IL1RAPL1: variants seen among roughly 807,000 people sequenced by gnomAD.
IL1RAPL1 encodes interleukin 1 receptor accessory protein like 1.
Under a neutral mutation model 48.4 loss-of-function variants are expected in IL1RAPL1, and 3 were observed. That is an observed-to-expected ratio of 0.06 (90% CI 0.03 to 0.16). The LOEUF (loss-of-function observed/expected upper bound fraction) is 0.16, where lower values mean the gene tolerates loss of function less well. Ranked by LOEUF, IL1RAPL1 falls within the 10% of genes least tolerant of loss-of-function variation. The pLI, the probability that IL1RAPL1 is intolerant of heterozygous loss-of-function variation, is 1.00. For missense variants in IL1RAPL1, 349 were observed against 530.6 expected, an observed-to-expected ratio of 0.66 and a Z score of 3.36; for synonymous variants, 185 against 187.7, an observed-to-expected ratio of 0.99 and a Z score of 0.12.
chrX:28,974,882 G>C (rs1360697299), intron 2 of IL1RAPL1, among the ~76,000 whole-genome samples: 1 of 112,123 alleles, frequency 8.9e-6, no homozygotes, highest in Admixed American at 9.4e-5. Flanking sequence ...TTTATATAGA[G>C]TGGAATATAA....
At position 29,741,724 on chromosome X, in the gene IL1RAPL1, C is replaced by T. The variant is rs1928202087; in HGVS notation, c.778+73220C>T. ...TCATCTCAGGTCAGGAGTTCTAGAC[C>T]ATCCTGGCCAACGTGGCGAAATCTC... On this transcript the variant is annotated intron_variant, in intron 6 of 10. Transcript: ENST00000378993. 2.8e-5 allele frequency among the ~76,000 whole-genome samples: 3 copies of T among 108,287 alleles called. No homozygotes were observed. In the South Asian group the frequency reaches 1.2e-3, roughly 45 times the overall value. The allele number at this position is 108,287 out of a possible 115,157, so 94.0% of individuals were successfully genotyped here.
chrX:29,092,474 T>A (rs1928111804), intron 2 of IL1RAPL1, among the ~76,000 whole-genome samples: 1 of 112,089 alleles, frequency 8.9e-6, no homozygotes, highest in African/African-American at 3.2e-5. Flanking sequence ...AACTGTGGTT[T>A]ATACACAATA....
chrX:29,620,290 T>C lies in IL1RAPL1; in HGVS notation c.704-48140T>C, dbSNP rs557110906. 8.4e-4 allele frequency among the ~76,000 whole-genome samples: 94 copies of C among 112,135 alleles called. No homozygotes were observed. The South Asian group carries it at 0.032, about 38-fold the overall frequency. On this transcript the variant is annotated intron_variant, in intron 5 of 10. Transcript: ENST00000378993. Reference sequence around the variant, plus strand: ...AAGAATGCGTCGTTCAGCAATTTCATTCTTGTGTGAACATCCTAGAGTGTA... The same window carrying C: ...AAGAATGCGTCGTTCAGCAATTTCACTCTTGTGTGAACATCCTAGAGTGTA...
chrX:29,323,764 T>A (rs1932824756), intron 3 of IL1RAPL1, among the ~76,000 whole-genome samples: 2 of 41,501 alleles, frequency 4.8e-5, no homozygotes, highest in Admixed American at 3.2e-4. Context: ...TATATATATA[T>A]ATATATATAT....
chrX:29,722,344 T>G (rs769028385), intron 6 of IL1RAPL1, among the ~76,000 whole-genome samples: 2 of 112,309 alleles, frequency 1.8e-5, no homozygotes, highest in South Asian at 7.3e-4. Context: ...ATAAATTCTG[T>G]CTTTGAATGT....
intron 6 of IL1RAPL1, among the ~76,000 whole-genome samples, chrX:29,803,369 GTA>G (rs1434759091): frequency 6.2e-4 from 52 of 83,815 alleles, no homozygotes; most frequent in Middle Eastern, 0.016. Context: ...ATACACATAT[GTA>G]TATATGTATA....
chrX:29,476,955 A>G (rs900144160), intron 5 of IL1RAPL1, among the ~76,000 whole-genome samples: 3 of 87,202 alleles, frequency 3.4e-5, no homozygotes, highest in East Asian at 3.9e-4. Flanking sequence ...ATCTCGGCTC[A>G]CTGCAAGCTC....
At chrX:28,915,246 C>G (rs1327733215) in intron 2 of IL1RAPL1, among the ~76,000 whole-genome samples, 1 of 111,492 alleles carries the variant, frequency 9.0e-6, no homozygotes, top group Non-Finnish European at 1.9e-5. Flanking sequence ...GCTCTGCAGC[C>G]CAGTTCCTAA....
chrX:28,593,235 C>T (rs1933922556), intron 1 of IL1RAPL1, among the ~76,000 whole-genome samples: 1 of 111,369 alleles, frequency 9.0e-6, no homozygotes, highest in Non-Finnish European at 1.9e-5. Flanking sequence ...GGTGCCCAAA[C>T]TCTAAAACTC....
intron 2 of IL1RAPL1, among the ~76,000 whole-genome samples, chrX:28,914,262 A>G (rs1485031622): frequency 2.7e-5 from 3 of 110,966 alleles, no homozygotes; most frequent in East Asian, 5.7e-4. Flanking sequence ...CTTAGGAAAT[A>G]TGGACTCTAT....
chrX:28,804,755 C>A (rs187501772), intron 2 of IL1RAPL1, among the ~76,000 whole-genome samples: 4 of 111,555 alleles, frequency 3.6e-5, no homozygotes, highest in East Asian at 5.7e-4. Context: ...TTAATCATAC[C>A]TTCTAGGTTC....
chrX:29,492,382 A>T (rs770922400), intron 5 of IL1RAPL1, among the ~76,000 whole-genome samples: 1 of 112,271 alleles, frequency 8.9e-6, no homozygotes, highest in African/African-American at 3.2e-5. Flanking sequence ...CTATAGTTCC[A>T]TAGGTCAGAA....
intron 5 of IL1RAPL1, among the ~76,000 whole-genome samples, chrX:29,399,634 C>T (rs1933965098): frequency 9.0e-6 from 1 of 110,750 alleles, no homozygotes; most frequent in Non-Finnish European, 1.9e-5. Context: ...GCCTGGCCAA[C>T]ATGGTGAAAC....
At chrX:28,695,979 T>C (rs1935225857) in intron 1 of IL1RAPL1, among the ~76,000 whole-genome samples, 1 of 112,134 alleles carries the variant, frequency 8.9e-6, no homozygotes. Context: ...TGATTTAATA[T>C]TCAATCAGAT....
intron 3 of IL1RAPL1, among the ~76,000 whole-genome samples, chrX:29,322,169 T>A (rs1932807489): frequency 9.1e-6 from 1 of 110,448 alleles, no homozygotes; most frequent in Admixed American, 9.6e-5. Context: ...AAGTTCAACA[T>A]CTTTCTTTCT....
chrX:29,575,266 A>T (rs1922737445), intron 5 of IL1RAPL1, among the ~76,000 whole-genome samples: 1 of 112,064 alleles, frequency 8.9e-6, no homozygotes, highest in Non-Finnish European at 1.9e-5. Flanking sequence ...TTTATTAGGG[A>T]GAACTGGCTC....
chrX:28,628,371 G>A (rs146577646), intron 1 of IL1RAPL1, among the ~76,000 whole-genome samples: 1,585 of 112,051 alleles, frequency 0.014, 21 homozygotes, highest in African/African-American at 0.048. Context: ...GTGGACACAG[G>A]GAGGGGCAAA....
chrX:29,513,794 G>A (rs1450005373), intron 5 of IL1RAPL1, among the ~76,000 whole-genome samples: 1 of 111,808 alleles, frequency 8.9e-6, no homozygotes, highest in African/African-American at 3.2e-5. Context: ...CATTTGTAAA[G>A]CACAGGTACC....
rs1359331740 is a variant in IL1RAPL1 at position 29,429,889 on chromosome X, T to TG, written c.703+30582dup. ...ATTATAGTGTATATATATGTGTGTG[T>TG]GTGTGGTGTGTGTGTGTGTGTGTGT... On this transcript the variant is annotated intron_variant, in intron 5 of 10. Coordinates refer to ENST00000378993, the MANE Select transcript of IL1RAPL1 (RefSeq NM_014271.4). Among the ~76,000 whole-genome samples the TG allele has an allele frequency of 7.6e-4, 48 of 63,424 alleles. 1 individual carries two copies. Among genetic ancestry groups the TG allele is most frequent in the East Asian group, 5.4e-3 (7 of 1,292 alleles). 55.1% of individuals were successfully genotyped at this position (63,424 alleles called of 115,157 possible).
Sources: gnomAD v4.1 joint callset for allele counts (sites outside exome capture counted in the v4.1 genomes callset) on GRCh38, gnomAD v4.1.1 for gene constraint, MANE v1.5 for transcripts, NCBI Gene and HGNC (gene_info 2026-07-23, HGNC 2026-07-21) for gene names.